CRTAC1: variants seen among roughly 807,000 people sequenced by gnomAD.
The protein encoded by CRTAC1 is acidic secreted protein in cartilage.
In CRTAC1, 37 loss-of-function variants were observed where a neutral mutation model predicts 67.8. That is an observed-to-expected ratio of 0.55 (90% confidence interval 0.42 to 0.72). The LOEUF (loss-of-function observed/expected upper bound fraction) is 0.72. CRTAC1 is among the 30% of genes least tolerant of loss of function. The pLI, the probability that CRTAC1 is intolerant of heterozygous loss-of-function variation, is 0.00. For missense variants in CRTAC1, 780 were observed against 931.6 expected (o/e 0.84, Z 2.12); for synonymous variants, 348 against 371.0 (o/e 0.94, Z 0.71).
intron 1 of CRTAC1, among the ~76,000 whole-genome samples, chr10:98,021,712 T>C (rs1373675902): frequency 6.6e-6 from 1 of 152,162 alleles, no homozygotes; most frequent in Admixed American, 6.5e-5. Context: ...GTGAGATGCA[T>C]GAATGCATCT....
intron 4 of CRTAC1, among the ~76,000 whole-genome samples, chr10:97,921,693 G>T (rs2050840521): frequency 6.6e-6 from 1 of 152,082 alleles, no homozygotes; most frequent in Non-Finnish European, 1.5e-5. Flanking sequence ...GCTGCCCTTG[G>T]CCTCTCTCCA....
chr10:97,896,936 C>A lies in CRTAC1; in HGVS notation c.1189G>T (p.Ala397Ser). The A allele has an allele frequency of 6.4e-7, 1 of 1,559,702 alleles. No individual in the cohort carries two copies. Among genetic ancestry groups the A allele is most frequent in the East Asian group, 2.4e-5 (1 of 41,922 alleles). ...PLIEELNPGD[A>S]LEPEGRGTGG... The stretch of plus-strand genomic sequence containing the variant: ...GTGCCCCGGCCCTCAGGCTCCAAGG[C>A]GTCGCCGGGATTGAGCTCCTCGATG... Residue 397 changes from alanine to serine, a missense_variant, in exon 9 of 15, where the codon GCC becomes TCC. Physicochemically the swap from Ala to Ser is moderately conservative, Grantham distance 99. Coordinates refer to ENST00000370597, the MANE Select transcript of CRTAC1 (RefSeq NM_018058.7).
intron 2 of CRTAC1, among the ~76,000 whole-genome samples, chr10:97,950,452 G>A (rs1039364972): frequency 3.2e-4 from 48 of 152,226 alleles, no homozygotes; most frequent in African/African-American, 1.1e-3. Context: ...GCTGGCATCT[G>A]TGTGGTTTTC....
In CRTAC1 at chr10:97,865,902, G is replaced by A. The variant is rs1420909095; in HGVS notation, c.1820-188C>T. On this transcript the variant is annotated intron_variant, in intron 14 of 14. Transcript: ENST00000370597. ...CTGTCCCTCACCCCCGTCTGGATCAGTCCATTTCCTGACCTGGGGGCTTTT... is the reference window on the plus strand; with the variant it reads ...CTGTCCCTCACCCCCGTCTGGATCAATCCATTTCCTGACCTGGGGGCTTTT... The A allele has an allele frequency of 4.8e-6, 4 of 837,068 alleles. No homozygotes were observed. In the Admixed American group the frequency reaches 9.3e-5, roughly 20 times the overall value. 51.9% of individuals were successfully genotyped at this position (837,068 alleles called of 1,614,324 possible).
intron 2 of CRTAC1, among the ~76,000 whole-genome samples, chr10:98,005,098 A>ATTTTTTTTTTTTG (rs1347220699): frequency 2.6e-5 from 1 of 38,212 alleles, no homozygotes. Context: ...ATATATATAT[A>ATTTTTTTTTTTTG]TATTTTTTTT....
At chr10:98,017,759 A>G (rs1843028069) in intron 1 of CRTAC1, among the ~76,000 whole-genome samples, 1 of 151,084 alleles carries the variant, frequency 6.6e-6, no homozygotes, top group African/African-American at 2.4e-5. Flanking sequence ...CTGATCTTGA[A>G]CTTCCTGGGC....
intron 2 of CRTAC1, among the ~76,000 whole-genome samples, chr10:97,940,480 A>G (rs1564904312): frequency 1.3e-5 from 2 of 152,264 alleles, no homozygotes; most frequent in Non-Finnish European, 2.9e-5. Flanking sequence ...ATGGCTTCCT[A>G]AAGGATGGGC....
Position 97,888,288 on chromosome 10 carries a change from G to C in CRTAC1, c.1487-3937C>G, listed in dbSNP as rs535538015. ...ACAGCACTGTTACCATGTGGTGAGA[G>C]AGATGGGTCATTTCATTTGGGTATT... On this transcript the variant is annotated intron_variant, in intron 11 of 14. Transcript: ENST00000370597. 3.3e-5 allele frequency among the ~76,000 whole-genome samples: 5 copies of C among 152,332 alleles called. No homozygotes were observed. In the South Asian group the frequency reaches 6.2e-4, roughly 19 times the overall value.
At chr10:97,896,079 C>T (rs2050455036) in intron 9 of CRTAC1, 94 bp from the exon 10 acceptor site, 20 of 1,116,066 alleles carry the variant, frequency 1.8e-5, no homozygotes, top group South Asian at 1.5e-4. Context: ...CAGCCCTGGG[C>T]GTGGGAGCCA....
intron 2 of CRTAC1, among the ~76,000 whole-genome samples, chr10:97,987,612 G>A (rs989346155): frequency 1.2e-4 from 19 of 152,220 alleles, no homozygotes; most frequent in African/African-American, 3.4e-4. Flanking sequence ...TTATGTGCAC[G>A]AGTGTGCATC....
intron 11 of CRTAC1, among the ~76,000 whole-genome samples, chr10:97,884,995 T>G (rs1445959379): frequency 1.3e-5 from 2 of 152,256 alleles, no homozygotes; most frequent in Non-Finnish European, 2.9e-5. Context: ...GGCCAGGCTC[T>G]CTCTTGTCAC....
At chr10:98,016,855 A>G (rs1843007891) in intron 1 of CRTAC1, among the ~76,000 whole-genome samples, 1 of 148,242 alleles carries the variant, frequency 6.7e-6, no homozygotes, top group Non-Finnish European at 1.5e-5. Context: ...AAGAAAACCT[A>G]TTTATCTAGG....
rs916256829 is a variant in CRTAC1, at chr10:98,030,501, G to A, written c.-29C>T. On this transcript the variant is annotated 5_prime_UTR_variant, in exon 1 of 15. Transcript: ENST00000370597. This position sits in a 1 kb window ranked among gnomAD's most constrained non-coding sequence, Gnocchi z 4.2. The stretch of plus-strand genomic sequence containing the variant: ...CCCGCTCTCGGCCCCGCCGCCTAGG[G>A]GCGTGGGAAGCGGGCGCTCGCTGCC... The A allele has an allele frequency of 8.8e-6, 11 of 1,243,620 alleles. No individual in the cohort carries two copies. Among genetic ancestry groups the A allele is most frequent in the African/African-American group, 1.6e-5 (1 of 64,226 alleles). The allele number at this position is 1,243,620 out of a possible 1,614,324, so 77.0% of individuals were successfully genotyped here.
chr10:97,958,017 G>C (rs2051468277), intron 2 of CRTAC1, among the ~76,000 whole-genome samples: 1 of 152,098 alleles, frequency 6.6e-6, no homozygotes, highest in South Asian at 2.1e-4. Context: ...TCTAGCCTCT[G>C]CCAGGGTCTT....
chr10:97,912,742 C>A lies in CRTAC1; in HGVS notation c.716-4595G>T, dbSNP rs147694509. On this transcript the variant is annotated intron_variant, in intron 5 of 14. Transcript: ENST00000370597. ...GTAAAGCCTCTTGCTTCCTGCCTGG[C>A]CTCTGCACCTCCCCTCCTTCAGGAT... is the stretch of plus-strand genomic sequence containing the variant. 1.3e-3 allele frequency among the ~76,000 whole-genome samples: 202 copies of A among 152,300 alleles called. 1 individual carries two copies. Among genetic ancestry groups the A allele is most frequent in the African/African-American group, 4.7e-3 (195 of 41,568 alleles).
chr10:97,922,370 C>T (rs1266339338), intron 4 of CRTAC1, among the ~76,000 whole-genome samples: 4 of 152,346 alleles, frequency 2.6e-5, no homozygotes, highest in African/African-American at 7.2e-5. Flanking sequence ...CACTGAATCC[C>T]CAATCCCCTC....
At chr10:97,957,361 G>C (rs765850546) in intron 2 of CRTAC1, among the ~76,000 whole-genome samples, 43 of 152,196 alleles carry the variant, frequency 2.8e-4, no homozygotes, top group Non-Finnish European at 5.0e-4. Flanking sequence ...GCCGGGGACA[G>C]CACCAACATC....
intron 1 of CRTAC1, among the ~76,000 whole-genome samples, chr10:98,011,875 C>A (rs756094382): frequency 6.6e-6 from 1 of 152,178 alleles, no homozygotes; most frequent in Non-Finnish European, 1.5e-5. Context: ...GAATGAAGAA[C>A]CTAACAGCTC....
intron 2 of CRTAC1, among the ~76,000 whole-genome samples, chr10:97,996,819 G>T (rs1842581921): frequency 6.6e-6 from 1 of 152,052 alleles, no homozygotes; most frequent in Non-Finnish European, 1.5e-5. Context: ...CAATAGCAAA[G>T]ACTTGGAACC....
Sources: allele counts gnomAD v4.1 joint callset (sites outside exome capture counted in the v4.1 genomes callset), GRCh38; gene constraint gnomAD v4.1.1; non-coding constraint Gnocchi (gnomAD v3.1); transcripts MANE v1.5; gene names NCBI Gene and HGNC (gene_info 2026-07-23, HGNC 2026-07-21).